Variants in GRIN1 observed in about 807,000 individuals in gnomAD.
GRIN1 encodes the protein glutamate ionotropic receptor NMDA type subunit 1.
GRIN1 carries 38 observed loss-of-function variants against 103.0 expected under a neutral mutation model. The ratio of observed to expected loss-of-function variants is 0.37; its 90% CI spans 0.28 to 0.48. The LOEUF (loss-of-function observed/expected upper bound fraction) is 0.48, where lower values mean the gene tolerates loss of function less well. GRIN1 is among the 20% of genes least tolerant of loss of function. The pLI is 0.98. For missense variants in GRIN1, 577 were observed against 1,288.9 expected, an observed-to-expected ratio of 0.45 and a Z score of 8.46; for synonymous variants, 544 against 532.7, an observed-to-expected ratio of 1.02 and a Z score of -0.29.
chr9:137,168,594 C>T lies in GRIN1; in HGVS notation c.*1067C>T. 1 of 318,812 alleles carries T rather than the reference C, an allele frequency of 3.1e-6. No homozygotes were observed. Among genetic ancestry groups the T allele is most frequent in the Non-Finnish European group, 5.7e-6 (1 of 176,846 alleles). The allele number at this position is 318,812 out of a possible 1,614,324, so 19.7% of individuals were successfully genotyped here. A position where few individuals can be genotyped will look rare whatever the true frequency, so the allele number is the denominator to read the frequency against. On this transcript the variant is annotated 3_prime_UTR_variant, in exon 20 of 20. Transcript: ENST00000371561. ...CGCTCCGGGTGCGTGACCGGCCCGC[C>T]ACCTTGTACAGAACCAGCACTCCCA... is the stretch of plus-strand genomic sequence containing the variant.
At chr9:137,154,194 C>T (rs1055015490) in intron 4 of GRIN1, among the ~76,000 whole-genome samples, 9 of 147,862 alleles carry the variant, frequency 6.1e-5, no homozygotes, top group Non-Finnish European at 8.9e-5. Flanking sequence ...GCACAATCTT[C>T]GCTCACTGCA....
chr9:137,139,858 C>T lies in GRIN1; in HGVS notation c.258+114C>T, dbSNP rs1248326741. On this transcript the variant is annotated intron_variant, in intron 1 of 19. Transcript: ENST00000371561. This position sits in a 1 kb window ranked among gnomAD's most constrained non-coding sequence, Gnocchi z 7.7. ...CCTTCCTCCCTGTAAGACACCACCC[C>T]AGAGTCAGCTGGCTGCTTCCGGGAG... 9.4e-6 allele frequency: 8 copies of T among 851,172 alleles called. No individual in the cohort carries two copies. Among genetic ancestry groups the T allele is most frequent in the Admixed American group, 3.8e-5 (2 of 53,112 alleles). 52.7% of individuals were successfully genotyped at this position (851,172 alleles called of 1,614,324 possible). A position where few individuals can be genotyped will look rare whatever the true frequency, so the allele number is the denominator to read the frequency against.
rs2131303507 is a variant in GRIN1, at chr9:137,163,891, G to A, written c.2576G>A (p.Arg859Gln). The change falls in exon 18 of 20, where the codon CGG becomes CAG. Residue 859 changes from arginine (R) to glutamine (Q), a missense_variant. This residue lies in a region of GRIN1 where 68 missense variants were observed against 113.0 expected (regional missense o/e 0.60). Transcript: ENST00000371561. ...GCCTTTGCCGCCGTTAACGTGTGGC[G>A]GAAGAACCTGCAGGTAGGGCAGGCC... ...QLAFAAVNVW[R>Q]KNLQDRKSGR... 1.2e-6 allele frequency: 2 copies of A among 1,612,724 alleles called. No individual in the cohort carries two copies. Among genetic ancestry groups the A allele is most frequent in the Non-Finnish European group, 8.5e-7 (1 of 1,179,848 alleles).
chr9:137,168,190 G>C lies in GRIN1; in HGVS notation c.*663G>C, dbSNP rs1833980146. Reference sequence around the variant, plus strand: ...CAGCCCCATCCTTCCCGCAGCACCAGCCTGAGCCACAGTGGGGCCCATGGC... The same window carrying C: ...CAGCCCCATCCTTCCCGCAGCACCACCCTGAGCCACAGTGGGGCCCATGGC... On this transcript the variant is annotated 3_prime_UTR_variant, in exon 20 of 20. Transcript: ENST00000371561. 2.5e-6 allele frequency: 1 copy of C among 396,994 alleles called. No homozygotes were observed. Among genetic ancestry groups the C allele is most frequent in the South Asian group, 2.7e-5 (1 of 37,246 alleles). 24.6% of individuals were successfully genotyped at this position (396,994 alleles called of 1,614,324 possible).
chr9:137,150,863 C>G (rs1255730537), intron 4 of GRIN1, among the ~76,000 whole-genome samples: 3 of 146,868 alleles, frequency 2.0e-5, no homozygotes, highest in Non-Finnish European at 4.5e-5. Context: ...AAAGCTCAGC[C>G]CAGGGAAAGC....
At chr9:137,141,272 T>G (rs1304759589) in intron 1 of GRIN1, among the ~76,000 whole-genome samples, 1 of 152,110 alleles carries the variant, frequency 6.6e-6, no homozygotes, top group Non-Finnish European at 1.5e-5. Flanking sequence ...GTGAAGGTGG[T>G]GTGGACCACC....
At chr9:137,156,603 TG>T in intron 4 of GRIN1, 65 bp from the exon 5 acceptor site, 1 of 1,568,476 alleles carries the variant, frequency 6.4e-7, no homozygotes. Context: ...GAGGAGGACC[TG>T]GGCCTGCGGA....
intron 6 of GRIN1, 88 bp downstream of exon 6, chr9:137,157,125 G>A (rs1168607694): frequency 4.0e-6 from 4 of 1,002,316 alleles, no homozygotes; most frequent in South Asian, 1.5e-5. Context: ...CGCTCTTGGG[G>A]AGGTGGGCGG....
intron 19 of GRIN1, among the ~76,000 whole-genome samples, chr9:137,165,673 G>A (rs371616890): frequency 1.3e-5 from 2 of 152,196 alleles, no homozygotes; most frequent in African/African-American, 2.4e-5. Context: ...CTCAGCTGCC[G>A]GGAGGCCACA....
intron 4 of GRIN1, among the ~76,000 whole-genome samples, chr9:137,152,576 T>C (rs1832969067): frequency 6.6e-6 from 1 of 151,902 alleles, no homozygotes; most frequent in Admixed American, 6.5e-5. Flanking sequence ...AGGGGGCGTT[T>C]TCTCCACTTT....
chr9:137,167,383 G>A, intron 19 of GRIN1, 28 bp from the exon 20 acceptor site: 2 of 1,535,198 alleles, frequency 1.3e-6, no homozygotes, highest in Non-Finnish European at 1.8e-6. Flanking sequence ...GGGGCCAGCG[G>A]GTATTGATTG....
intron 18 of GRIN1, chr9:137,164,105 G>A (rs1001320382): frequency 6.4e-5 from 43 of 671,976 alleles, no homozygotes; most frequent in Non-Finnish European, 1.1e-4. Flanking sequence ...GCTGCCCACT[G>A]CAAAGCCGGG....
chr9:137,156,372 A>G (rs1160330769), intron 4 of GRIN1, among the ~76,000 whole-genome samples: 1 of 150,110 alleles, frequency 6.7e-6, no homozygotes, highest in African/African-American at 2.4e-5. Flanking sequence ...GCCAGCATCT[A>G]ACCCCACCCC....
In GRIN1 at chr9:137,167,535, C is replaced by T. The variant is rs200191444; in HGVS notation, c.*8C>T. 191 of 1,542,342 alleles carry T rather than the reference C, an allele frequency of 1.2e-4. 1 individual carries two copies. In the East Asian group the frequency reaches 4.0e-3, roughly 32 times the overall value. On this transcript the variant is annotated 3_prime_UTR_variant, in exon 20 of 20. Transcript: ENST00000371561. ...CGTCATAGGGAGAGCTGAGACTCCCCGCCCGCCCTCCTCTGCCCCCTCCCC... is the reference window on the plus strand; with the variant it reads ...CGTCATAGGGAGAGCTGAGACTCCCTGCCCGCCCTCCTCTGCCCCCTCCCC...
Position 137,139,315 on chromosome 9 carries a change from C to T in GRIN1, c.-172C>T, listed in dbSNP as rs1832037815. On this transcript the variant is annotated 5_prime_UTR_variant, in exon 1 of 20. The change creates a new upstream start codon in the 5' untranslated region. Transcript: ENST00000371561. This position sits in a 1 kb window ranked among gnomAD's most constrained non-coding sequence, Gnocchi z 7.7. ...GGGCTGAGCCCCGAGCCCCCGCGCA[C>T]GCTTCAGCGCCCCTTCCCTCGGCCG... The T allele has an allele frequency of 1.5e-5, 4 of 275,090 alleles. No individual in the cohort carries two copies. The highest frequency in any genetic ancestry group is 2.6e-5 in the Non-Finnish European group (4 of 153,954). 17.0% of individuals were successfully genotyped at this position (275,090 alleles called of 1,614,324 possible). A position where few individuals can be genotyped will look rare whatever the true frequency, so the allele number is the denominator to read the frequency against.
intron 4 of GRIN1, among the ~76,000 whole-genome samples, chr9:137,150,860 A>AACCC (rs1832824269): frequency 9.9e-6 from 1 of 101,008 alleles, no homozygotes; most frequent in Non-Finnish European, 2.0e-5. Context: ...ATAAAAGCTC[A>AACCC]GCCCAGGGAA....
rs764407196 is a variant in GRIN1 at position 137,163,199 on chromosome 9, G to T, written c.2202G>T (p.Ala734=). Residue 734 remains alanine, a synonymous_variant, in exon 16 of 20, where the codon GCG becomes GCT. Coordinates refer to ENST00000371561, the MANE Select transcript of GRIN1 (RefSeq NM_007327.4). ...NKLHAFIWDS[A]VLEFEASQKC... ...TGCATGCCTTCATCTGGGACTCGGC[G>T]GTGCTGGAGTTCGAGGCCTCGCAGA... is the stretch of plus-strand genomic sequence containing the variant. 1 of 1,613,494 alleles carries T rather than the reference G, an allele frequency of 6.2e-7. No individual in the cohort carries two copies. The highest frequency in any genetic ancestry group is 2.2e-5 in the East Asian group (1 of 44,878).
In GRIN1 at chr9:137,145,760, C is replaced by T; in HGVS notation, c.428C>T (p.Pro143Leu). The stretch of plus-strand genomic sequence containing the variant: ...CTGAGCTTCCTGCGCACCGTGCCGC[C>T]CTACTCCCACCAGTCCAGCGTGTGG... Reference protein sequence around the residue: ...IHLSFLRTVPPYSHQSSVWFE... With the variant: ...IHLSFLRTVPLYSHQSSVWFE... The change falls in exon 3 of 20, where the codon CCC (proline) becomes CTC (leucine). Residue 143 changes from proline (P) to leucine (L), a missense_variant. By Grantham distance (98) the Pro-to-Leu change is moderately conservative. Around this residue, in one of 9 missense-constraint regions of GRIN1, gnomAD observed 308 missense variants for 553.6 expected, o/e 0.56. Transcript: ENST00000371561. 1 of 1,613,536 alleles carries T rather than the reference C, an allele frequency of 6.2e-7. No individual in the cohort carries two copies. Among genetic ancestry groups the T allele is most frequent in the Non-Finnish European group, 8.5e-7 (1 of 1,179,672 alleles).
At chr9:137,154,663 G>C (rs1037015153) in intron 4 of GRIN1, among the ~76,000 whole-genome samples, 24 of 151,844 alleles carry the variant, frequency 1.6e-4, no homozygotes, top group Admixed American at 1.2e-3. Context: ...TGTTGGTCAG[G>C]CTGGTCTCAA....
Sources: allele counts gnomAD v4.1 joint callset (sites outside exome capture counted in the v4.1 genomes callset), GRCh38; gene constraint gnomAD v4.1.1; regional missense constraint gnomAD v4.1.1; non-coding constraint Gnocchi (gnomAD v3.1); transcripts MANE v1.5; gene names NCBI Gene and HGNC (gene_info 2026-07-23, HGNC 2026-07-21).